The following RUNX1 variants were observed in gnomAD, a reference collection of about 807,000 sequenced individuals.
RUNX1 encodes runt-related transcription factor 1.
Under a neutral mutation model 42.8 loss-of-function variants are expected in RUNX1, and 19 were observed. The observed-to-expected ratio is 0.44, with a 90% CI of 0.31 to 0.65. The LOEUF (loss-of-function observed/expected upper bound fraction) is 0.65. Ranked by LOEUF, RUNX1 falls within the 30% of genes least tolerant of loss-of-function variation. The probability of loss-of-function intolerance (pLI) is 0.07; values close to 1 mark genes in which losing one functional copy is unlikely to be tolerated. For missense variants in RUNX1, 528 were observed against 672.0 expected (o/e 0.79, Z 2.37); for synonymous variants, 271 against 289.4 (o/e 0.94, Z 0.64).
chr21:34,988,845 T>A (rs547587170), intron 2 of RUNX1, among the ~76,000 whole-genome samples: 1 of 152,264 alleles, frequency 6.6e-6, no homozygotes, highest in Admixed American at 6.5e-5. Context: ...TGGATTCTGA[T>A]CCAGTAGCTG....
In RUNX1 at chr21:34,996,634, C is replaced by T. The variant is rs1569143573; in HGVS notation, c.58+52208G>A. On this transcript the variant is annotated intron_variant, in intron 2 of 8. Coordinates refer to ENST00000675419, the MANE Select transcript of RUNX1 (RefSeq NM_001754.5). ...AGCTAGCTTGAAGAGGAATGCTGAA[C>T]TCTCTCTCTCTCTATTGTTCTCTCC... Among the ~76,000 whole-genome samples, 16 of 57,904 alleles carry T rather than the reference C, an allele frequency of 2.8e-4. No individual in the cohort carries two copies. The South Asian group carries it at 9.1e-3, about 33-fold the overall frequency. 38.0% of individuals were successfully genotyped at this position (57,904 alleles called of 152,430 possible). A position where few individuals can be genotyped will look rare whatever the true frequency, so the allele number is the denominator to read the frequency against.
intron 2 of RUNX1, among the ~76,000 whole-genome samples, chr21:34,963,871 G>C (rs1469781057): frequency 1.3e-5 from 2 of 152,198 alleles, no homozygotes; most frequent in African/African-American, 4.8e-5. Context: ...TCAGGTACAA[G>C]GAACCCTGAG....
rs1470548218 is a variant in RUNX1 at position 34,790,161 on chromosome 21, A to G, written c.*1974T>C. On this transcript the variant is annotated 3_prime_UTR_variant, in exon 9 of 9. Coordinates refer to ENST00000675419, the MANE Select transcript of RUNX1 (RefSeq NM_001754.5). ...TTCTCTAGATAAGAACGACCTGACA[A>G]CATAAGCTGCTTTACTCTTTAACTC... 3 of 233,148 alleles carry G rather than the reference A, an allele frequency of 1.3e-5. No individual in the cohort carries two copies. The highest frequency in any genetic ancestry group is 6.6e-5 in the African/African-American group (3 of 45,332). 14.4% of individuals were successfully genotyped at this position (233,148 alleles called of 1,614,324 possible). A position where few individuals can be genotyped will look rare whatever the true frequency, so the allele number is the denominator to read the frequency against.
chr21:35,035,555 C>A (rs560206124), intron 2 of RUNX1, among the ~76,000 whole-genome samples: 96 of 152,292 alleles, frequency 6.3e-4, no homozygotes, highest in African/African-American at 2.2e-3. Context: ...GTGCCTATAT[C>A]GTGAGGTTTT....
intron 6 of RUNX1, among the ~76,000 whole-genome samples, chr21:34,851,959 G>C (rs954378522): frequency 3.3e-5 from 5 of 152,176 alleles, no homozygotes; most frequent in African/African-American, 1.2e-4. Context: ...CTGAGGTCAG[G>C]AGATGGAGAC....
intron 4 of RUNX1, 102 bp from the exon 5 acceptor site, chr21:34,880,815 T>C (rs1166451196): frequency 8.2e-7 from 1 of 1,222,338 alleles, no homozygotes; most frequent in African/African-American, 1.5e-5. Context: ...GTATATTCAA[T>C]GATTTCTTTT....
chr21:34,972,287 A>G (rs567403452), intron 2 of RUNX1, among the ~76,000 whole-genome samples: 20 of 152,308 alleles, frequency 1.3e-4, no homozygotes, highest in Non-Finnish European at 1.9e-4. Context: ...CCTTCATATC[A>G]ATATTCTATG....
In RUNX1 at chr21:34,959,609, C is replaced by A. The variant is rs552946436; in HGVS notation, c.59-66646G>T. Among the ~76,000 whole-genome samples the A allele has an allele frequency of 2.4e-4, 37 of 152,204 alleles. 1 individual carries two copies. The South Asian group carries it at 7.3e-3, about 30-fold the overall frequency. ...GAGAAGATAAGAAGACCTGAACGTA[C>A]TAAAGAAGCAAATATTTAGAAAAAG... On this transcript the variant is annotated intron_variant, in intron 2 of 8. Coordinates refer to ENST00000675419, the MANE Select transcript of RUNX1 (RefSeq NM_001754.5).
chr21:34,792,423 G>A lies in RUNX1; in HGVS notation c.1155C>T (p.Tyr385=), dbSNP rs1218234997. ...TRYHTYLPPP[Y]PGSSQAQGGP... ...CTCCCTGCGCTTGCGACGAGCCGGG[G>A]TAGGGCGGCGGCAGGTAGGTGTGGT... Residue 385 remains tyrosine, a synonymous_variant, in exon 9 of 9, where the codon TAC becomes TAT. Transcript: ENST00000675419. This position sits in a 1 kb window ranked among gnomAD's most constrained non-coding sequence, Gnocchi z 6.9. 1.3e-6 allele frequency: 2 copies of A among 1,571,426 alleles called. No individual in the cohort carries two copies. Among genetic ancestry groups the A allele is most frequent in the South Asian group, 1.2e-5 (1 of 85,848 alleles).
intron 2 of RUNX1, among the ~76,000 whole-genome samples, chr21:34,971,366 A>C (rs1178153320): frequency 1.3e-5 from 2 of 152,206 alleles, no homozygotes; most frequent in African/African-American, 4.8e-5. Context: ...GAAAGGCCAA[A>C]CATTGAGAAT....
intron 2 of RUNX1, among the ~76,000 whole-genome samples, chr21:35,006,808 G>C (rs1438025849): frequency 6.6e-6 from 1 of 152,144 alleles, no homozygotes; most frequent in African/African-American, 2.4e-5. Flanking sequence ...ATCAAGGCCT[G>C]CCCAGAGCCT....
chr21:35,040,020 T>G (rs548533669), intron 2 of RUNX1, among the ~76,000 whole-genome samples: 1 of 152,250 alleles, frequency 6.6e-6, no homozygotes, highest in South Asian at 2.1e-4. Context: ...AGAACACTCC[T>G]GAAGGGGAGG....
chr21:34,831,581 T>C (rs542906618), intron 7 of RUNX1, among the ~76,000 whole-genome samples: 12 of 152,206 alleles, frequency 7.9e-5, no homozygotes, highest in Non-Finnish European at 1.0e-4. Context: ...GACATTTCTG[T>C]AAAGCTGAAA....
At chr21:34,889,684 T>C in intron 3 of RUNX1, 1 of 1,162,820 alleles carries the variant, frequency 8.6e-7, no homozygotes, top group Non-Finnish European at 1.1e-6. Flanking sequence ...CACCCCGGCT[T>C]CGCGTGCGGG....
chr21:34,963,678 G>A (rs1373707111), intron 2 of RUNX1, among the ~76,000 whole-genome samples: 1 of 152,182 alleles, frequency 6.6e-6, no homozygotes, highest in East Asian at 1.9e-4. Context: ...CCCCCAAGAA[G>A]TATCACAACT....
chr21:34,826,434 CTTTTTTTTTT>C (rs772880673), intron 7 of RUNX1, among the ~76,000 whole-genome samples: 5 of 105,366 alleles, frequency 4.7e-5, no homozygotes, highest in South Asian at 3.4e-4. Flanking sequence ...TTCTTTCTTT[CTTTTTTTTTT>C]TTTTTTTTTT....
chr21:34,949,915 C>A (rs963061679), intron 2 of RUNX1, among the ~76,000 whole-genome samples: 2 of 152,246 alleles, frequency 1.3e-5, no homozygotes, highest in Non-Finnish European at 2.9e-5. Flanking sequence ...TCCGAACTGA[C>A]TGGCATAAAG....
At chr21:34,853,652 C>T (rs2057455919) in intron 6 of RUNX1, among the ~76,000 whole-genome samples, 1 of 152,132 alleles carries the variant, frequency 6.6e-6, no homozygotes, top group East Asian at 1.9e-4. Context: ...GGGCAAATAA[C>T]ACTATTTAAT....
chr21:34,847,313 A>G (rs1295493925), intron 6 of RUNX1, among the ~76,000 whole-genome samples: 1 of 152,182 alleles, frequency 6.6e-6, no homozygotes, highest in Non-Finnish European at 1.5e-5. Context: ...TAAAATTTCT[A>G]AAAGTATGGA....
Sources: allele counts gnomAD v4.1 joint callset (sites outside exome capture counted in the v4.1 genomes callset), GRCh38; gene constraint gnomAD v4.1.1; non-coding constraint Gnocchi (gnomAD v3.1); transcripts MANE v1.5; gene names NCBI Gene and HGNC (gene_info 2026-07-23, HGNC 2026-07-21).